Variants in GNA14 observed in about 807,000 individuals in gnomAD.
GNA14 encodes G protein subunit alpha 14, also known as guanine nucleotide-binding protein subunit alpha-14.
In GNA14, 50 loss-of-function variants were observed where a neutral mutation model predicts 42.0. The ratio of observed to expected loss-of-function variants is 1.19; its 90% CI spans 0.95 to 1.51. GNA14 has a LOEUF of 1.51. Among genes scored for constraint, GNA14 ranks in the 40% most tolerant of loss-of-function variants. The pLI is 0.00. For synonymous variants in GNA14, 173 were observed against 163.1 expected, an observed-to-expected ratio of 1.06 and a Z score of -0.46; for missense variants, 473 against 446.2, an observed-to-expected ratio of 1.06 and a Z score of -0.54.
chr9:77,579,255 T>C (rs920776244), intron 1 of GNA14, among the ~76,000 whole-genome samples: 6 of 151,142 alleles, frequency 4.0e-5, no homozygotes, highest in Non-Finnish European at 7.4e-5. Context: ...GCAGGTGGAG[T>C]TGACAACTGT....
At chr9:77,563,293 C>T (rs1019532791) in intron 1 of GNA14, among the ~76,000 whole-genome samples, 2 of 152,060 alleles carry the variant, frequency 1.3e-5, no homozygotes, top group South Asian at 2.1e-4. Flanking sequence ...GAATCTTTTG[C>T]CTTAGGATCT....
At chr9:77,602,453 A>C (rs897325063) in intron 1 of GNA14, among the ~76,000 whole-genome samples, 2 of 152,148 alleles carry the variant, frequency 1.3e-5, no homozygotes, top group African/African-American at 2.4e-5. Flanking sequence ...TTAACCAATC[A>C]ATTTTGTGCC....
At chr9:77,460,500 A>C (rs1836085165) in intron 2 of GNA14, among the ~76,000 whole-genome samples, 1 of 152,240 alleles carries the variant, frequency 6.6e-6, no homozygotes. Context: ...CAGTTTGTTA[A>C]GACAGCCCCA....
chr9:77,647,689 C>T lies in GNA14; in HGVS notation c.105G>A (p.Glu35=). 1.2e-6 allele frequency: 2 copies of T among 1,610,302 alleles called. No homozygotes were observed. Among genetic ancestry groups the T allele is most frequent in the Non-Finnish European group, 1.7e-6 (2 of 1,178,686 alleles). ...ACTCACCCAGCAGCAGCAGCTTAAG[C>T]TCACGGCGCGCGTCCTTCTTGTCCC... ...LRRDKKDARR[E]LKLLLLGTGE... The change falls in exon 1 of 7, where the codon GAG becomes GAA. Residue 35 remains glutamate (E), a synonymous_variant. Transcript: ENST00000341700.
At chr9:77,456,844 T>C (rs1490151223) in intron 2 of GNA14, among the ~76,000 whole-genome samples, 4 of 152,122 alleles carry the variant, frequency 2.6e-5, no homozygotes, top group Non-Finnish European at 4.4e-5. Context: ...AATCAGCTAA[T>C]AATTATTGTC....
At chr9:77,540,003 C>A (rs1454298476) in intron 1 of GNA14, among the ~76,000 whole-genome samples, 3 of 151,812 alleles carry the variant, frequency 2.0e-5, no homozygotes, top group African/African-American at 7.3e-5. Flanking sequence ...TTGCTCTGAT[C>A]TTTATTATTT....
chr9:77,629,262 C>T (rs1296528194), intron 1 of GNA14, among the ~76,000 whole-genome samples: 8 of 152,150 alleles, frequency 5.3e-5, no homozygotes, highest in South Asian at 2.1e-4. Context: ...GAAATAGGAA[C>T]GCTTTTACAC....
chr9:77,550,192 CAG>C (rs1484625080), intron 1 of GNA14, among the ~76,000 whole-genome samples: 2 of 152,082 alleles, frequency 1.3e-5, no homozygotes, highest in African/African-American at 2.4e-5. Flanking sequence ...AACATGCACT[CAG>C]GGGTTGAAGC....
intron 1 of GNA14, among the ~76,000 whole-genome samples, chr9:77,618,434 C>T (rs931842604): frequency 1.3e-5 from 2 of 151,228 alleles, no homozygotes; most frequent in African/African-American, 4.9e-5. Flanking sequence ...TTTACAGTAG[C>T]TCTCCAGGGT....
chr9:77,477,441 G>A (rs568204574), intron 2 of GNA14, among the ~76,000 whole-genome samples: 12 of 152,328 alleles, frequency 7.9e-5, no homozygotes, highest in African/African-American at 2.4e-4. Context: ...CCCCTGCTGA[G>A]AATATGGCAG....
At chr9:77,598,138 T>A (rs1823496930) in intron 1 of GNA14, among the ~76,000 whole-genome samples, 1 of 152,204 alleles carries the variant, frequency 6.6e-6, no homozygotes, top group South Asian at 2.1e-4. Flanking sequence ...CCTTAGTCCA[T>A]TTAGACTTTT....
chr9:77,435,050 TAAAAAAAAAAAA>T (rs3052358), intron 2 of GNA14, among the ~76,000 whole-genome samples: 4 of 119,278 alleles, frequency 3.4e-5, no homozygotes, highest in Admixed American at 1.8e-4. Flanking sequence ...TTCTTTCATT[TAAAAAAAAAAAA>T]AAAAAAAAAA....
chr9:77,593,274 A>G (rs1823416383), intron 1 of GNA14, among the ~76,000 whole-genome samples: 1 of 152,042 alleles, frequency 6.6e-6, no homozygotes, highest in Non-Finnish European at 1.5e-5. Flanking sequence ...ATTACCTCCA[A>G]TTACAGAGGT....
Position 77,647,864 on chromosome 9 carries a change from C to A in GNA14, c.-71G>T. On this transcript the variant is annotated 5_prime_UTR_variant, in exon 1 of 7. Transcript: ENST00000341700. ...CCCGAATCCTCGGCCCGGCCGCTCA[C>A]CCGGCCAGCATGCGACGGGCACAGG... 2 of 1,544,400 alleles carry A rather than the reference C, an allele frequency of 1.3e-6. No homozygotes were observed. The highest frequency in any genetic ancestry group is 1.7e-6 in the Non-Finnish European group (2 of 1,148,256).
intron 1 of GNA14, among the ~76,000 whole-genome samples, chr9:77,555,959 A>G (rs898267655): frequency 6.6e-6 from 1 of 152,198 alleles, no homozygotes; most frequent in Non-Finnish European, 1.5e-5. Flanking sequence ...GAAAGCACAC[A>G]TAAGGCCGGG....
In GNA14 at chr9:77,535,968, A is replaced by G. The variant is rs114047497; in HGVS notation, c.125-6715T>C. 3.6e-3 allele frequency among the ~76,000 whole-genome samples: 538 copies of G among 151,008 alleles called. 4 individuals carry two copies. The highest frequency in any genetic ancestry group is 0.013 in the African/African-American group (517 of 41,174). On this transcript the variant is annotated intron_variant, in intron 1 of 6. Coordinates refer to ENST00000341700, the MANE Select transcript of GNA14 (RefSeq NM_004297.4). ...ATACCCCTCTGGAGCTCTGTTTTTCAATTTCCGGGGGAAAACATTTTTAAA... is the reference window on the plus strand; with the variant it reads ...ATACCCCTCTGGAGCTCTGTTTTTCGATTTCCGGGGGAAAACATTTTTAAA...
At chr9:77,631,652 A>ACCCTGGCCCCACTCTGGCCAGTGAAT (rs1824102173) in intron 1 of GNA14, among the ~76,000 whole-genome samples, 1 of 151,668 alleles carries the variant, frequency 6.6e-6, no homozygotes, top group African/African-American at 2.4e-5. Flanking sequence ...GTAAAATAAA[A>ACCCTGGCCCCACTCTGGCCAGTGAAT]CAAAAACACA....
At chr9:77,553,108 T>A (rs916278630) in intron 1 of GNA14, among the ~76,000 whole-genome samples, 2 of 152,224 alleles carry the variant, frequency 1.3e-5, no homozygotes, top group Admixed American at 6.5e-5. Context: ...ATTATTCTCA[T>A]ATGTCTCTCA....
intron 2 of GNA14, among the ~76,000 whole-genome samples, chr9:77,453,972 G>C (rs1239228916): frequency 1.3e-5 from 2 of 152,212 alleles, no homozygotes; most frequent in Non-Finnish European, 2.9e-5. Flanking sequence ...TCTTGCTGCA[G>C]TTTCTGCTAA....
Sources: gnomAD v4.1 joint callset for allele counts (sites outside exome capture counted in the v4.1 genomes callset) on GRCh38, gnomAD v4.1.1 for gene constraint, MANE v1.5 for transcripts, NCBI Gene and HGNC (gene_info 2026-07-23, HGNC 2026-07-21) for gene names.